ADAM17: variants seen among roughly 807,000 people sequenced by gnomAD.
ADAM17 encodes disintegrin and metalloproteinase domain-containing protein 17.
Under a neutral mutation model 96.7 loss-of-function variants are expected in ADAM17, and 39 were observed. The observed-to-expected ratio is 0.40, with a 90% confidence interval of 0.31 to 0.53. ADAM17 has a LOEUF of 0.53. ADAM17 is among the 20% of genes least tolerant of loss of function. The pLI, the probability that ADAM17 is intolerant of heterozygous loss-of-function variation, is 0.44. For missense variants in ADAM17, 777 were observed against 1,013.2 expected, an observed-to-expected ratio of 0.77 and a Z score of 3.17; for synonymous variants, 344 against 359.2, an observed-to-expected ratio of 0.96 and a Z score of 0.48.
At chr2:9,507,814 G>A (rs887000851) in intron 11 of ADAM17, among the ~76,000 whole-genome samples, 14 of 152,164 alleles carry the variant, frequency 9.2e-5, no homozygotes, top group Admixed American at 4.6e-4. Flanking sequence ...TGAACTCCCC[G>A]GGTTCCTCCT....
chr2:9,522,647 A>T (rs1251771090), intron 7 of ADAM17, among the ~76,000 whole-genome samples: 1 of 152,218 alleles, frequency 6.6e-6, no homozygotes, highest in Non-Finnish European at 1.5e-5. Context: ...AACAATTTAT[A>T]TAATTTACAT....
intron 1 of ADAM17, 51 bp downstream of exon 1, chr2:9,555,457 CT>C (rs1665712938): frequency 6.8e-7 from 1 of 1,479,724 alleles, no homozygotes; most frequent in East Asian, 2.5e-5. Context: ...CTGCTCTTCC[CT>C]CAAACGAGCG....
intron 13 of ADAM17, among the ~76,000 whole-genome samples, chr2:9,497,827 A>G (rs2124978590): frequency 6.6e-6 from 1 of 152,134 alleles, no homozygotes; most frequent in Non-Finnish European, 1.5e-5. Context: ...GTGGCCTCCC[A>G]CTTCCATTAT....
intron 10 of ADAM17, among the ~76,000 whole-genome samples, chr2:9,513,079 C>CT (rs1334726303): frequency 2.0e-5 from 3 of 152,108 alleles, no homozygotes; most frequent in Non-Finnish European, 2.9e-5. Flanking sequence ...ACTGCAATCT[C>CT]TGCCTCCCAG....
Position 9,535,932 on chromosome 2 carries a change from A to G in ADAM17, c.362-10T>C. ...CTAGAGTCAGGCTCACCTTAAGAGA[A>G]AAAAAAAATTATTATTTAAAAATAC... On this transcript the variant is annotated splice_polypyrimidine_tract_variant and intron_variant, in intron 3 of 18. Transcript: ENST00000310823. 6.7e-7 allele frequency: 1 copy of G among 1,491,640 alleles called. No homozygotes were observed. The highest frequency in any genetic ancestry group is 9.0e-7 in the Non-Finnish European group (1 of 1,113,510). The allele number at this position is 1,491,640 out of a possible 1,614,324, so 92.4% of individuals were successfully genotyped here.
intron 15 of ADAM17, among the ~76,000 whole-genome samples, chr2:9,494,384 C>G (rs1228515167): frequency 6.6e-6 from 1 of 152,182 alleles, no homozygotes; most frequent in African/African-American, 2.4e-5. Context: ...AACCAACCAA[C>G]TTTACCATAA....
At chr2:9,549,042 A>C (rs1003696637) in intron 1 of ADAM17, among the ~76,000 whole-genome samples, 1 of 152,200 alleles carries the variant, frequency 6.6e-6, no homozygotes, top group Non-Finnish European at 1.5e-5. Context: ...CCCAGAGCTG[A>C]CATTTTTAAG....
At chr2:9,509,503 A>T (rs774253850) in intron 11 of ADAM17, among the ~76,000 whole-genome samples, 6 of 152,216 alleles carry the variant, frequency 3.9e-5, no homozygotes, top group Non-Finnish European at 7.3e-5. Context: ...TATGAATAAG[A>T]TAGAGCTATG....
intron 11 of ADAM17, 43 bp from the exon 12 acceptor site, chr2:9,505,408 A>C (rs914309177): frequency 5.2e-6 from 8 of 1,549,844 alleles, no homozygotes; most frequent in Middle Eastern, 1.7e-4. Context: ...TAATATCATA[A>C]AAATGTATTC....
Position 9,505,154 on chromosome 2 carries a change from G to A in ADAM17, c.1544+12C>T. On this transcript the variant is annotated intron_variant, in intron 12 of 18. Transcript: ENST00000310823. ...ACCAACTTCCCAAAATCCCTGTGGA[G>A]AGACTCCTCACCTGCACTGGACACC... The A allele has an allele frequency of 6.2e-7, 1 of 1,614,044 alleles. No individual in the cohort carries two copies. The highest frequency in any genetic ancestry group is 8.5e-7 in the Non-Finnish European group (1 of 1,179,938).
rs768297455 is a variant in ADAM17, at chr2:9,527,837, C to A, written c.568G>T (p.Asp190Tyr). The part of the protein sequence containing the change: ...SPKVCGYLKV[D>Y]NEELLPKGLV... ...CCTTTTGGGAGCAACTCTTCATTAT[C>A]CACTTTTAAATAACCACACACTTTT... Residue 190 changes from aspartate (D) to tyrosine (Y), a missense_variant, in exon 5 of 19, where the codon GAT becomes TAT. Around this residue, in one of 3 missense-constraint regions of ADAM17, gnomAD observed 446 missense variants for 664.7 expected, o/e 0.67. Transcript: ENST00000310823. 9 of 1,605,230 alleles carry A rather than the reference C, an allele frequency of 5.6e-6. No individual in the cohort carries two copies. In the African/African-American group the frequency reaches 6.7e-5, roughly 12 times the overall value.
At chr2:9,491,073 TTA>T (rs751870775) in intron 18 of ADAM17, 26 bp downstream of exon 18, 63 of 1,603,658 alleles carry the variant, frequency 3.9e-5, no homozygotes, top group East Asian at 8.9e-5. Flanking sequence ...CAGGCGAAGA[TTA>T]TGTTTCTTTC....
intron 1 of ADAM17, among the ~76,000 whole-genome samples, chr2:9,548,336 A>G (rs901127050): frequency 6.6e-6 from 1 of 152,124 alleles, no homozygotes; most frequent in African/African-American, 2.4e-5. Context: ...CATCCCCCCC[A>G]AAAAAGAAAG....
At chr2:9,554,273 T>C (rs972352528) in intron 1 of ADAM17, among the ~76,000 whole-genome samples, 1 of 152,198 alleles carries the variant, frequency 6.6e-6, no homozygotes, top group Non-Finnish European at 1.5e-5. Context: ...TTCTTTTTAC[T>C]AACATTTATC....
chr2:9,501,579 T>A (rs1663007547), intron 13 of ADAM17, among the ~76,000 whole-genome samples: 1 of 152,192 alleles, frequency 6.6e-6, no homozygotes, highest in African/African-American at 2.4e-5. Context: ...CTAAACAATA[T>A]GTAGGTGTCC....
chr2:9,499,409 G>A (rs1051473108), intron 13 of ADAM17, among the ~76,000 whole-genome samples: 11 of 151,448 alleles, frequency 7.3e-5, no homozygotes, highest in Non-Finnish European at 1.3e-4. Context: ...TTGTTTTTTT[G>A]GTTTTTTTTT....
chr2:9,498,621 TAAG>T, intron 13 of ADAM17, among the ~76,000 whole-genome samples: 1 of 152,336 alleles, frequency 6.6e-6, no homozygotes, highest in South Asian at 2.1e-4. Context: ...GATGGTTTAT[TAAG>T]TACCCAACAG....
At chr2:9,505,900 T>C (rs1379626045) in intron 11 of ADAM17, among the ~76,000 whole-genome samples, 1 of 152,200 alleles carries the variant, frequency 6.6e-6, no homozygotes, top group Non-Finnish European at 1.5e-5. Context: ...ATAGGCATAA[T>C]AGTACATTTT....
intron 4 of ADAM17, among the ~76,000 whole-genome samples, chr2:9,529,732 G>A (rs1308196816): frequency 1.3e-5 from 2 of 152,108 alleles, no homozygotes; most frequent in African/African-American, 2.4e-5. Flanking sequence ...GCACTTTGGG[G>A]AGGCCATGGT....
Sources: allele counts gnomAD v4.1 joint callset (sites outside exome capture counted in the v4.1 genomes callset), GRCh38; gene constraint gnomAD v4.1.1; regional missense constraint gnomAD v4.1.1; transcripts MANE v1.5; gene names NCBI Gene and HGNC (gene_info 2026-07-23, HGNC 2026-07-21).